Variants in N4BP2 observed in about 807,000 individuals in gnomAD.
The protein encoded by N4BP2 is NEDD4-binding protein 2.
N4BP2 carries 91 observed loss-of-function variants against 152.8 expected under a neutral mutation model. That is an observed-to-expected ratio of 0.60 (90% CI 0.50 to 0.71). The LOEUF (loss-of-function observed/expected upper bound fraction) is 0.71. Ranked by LOEUF, N4BP2 falls within the 30% of genes least tolerant of loss-of-function variation. The probability of loss-of-function intolerance (pLI) is 0.00; values close to 1 mark genes in which losing one functional copy is unlikely to be tolerated. For synonymous variants in N4BP2, 646 were observed against 705.3 expected (o/e 0.92, Z 1.33); for missense variants, 1,923 against 2,059.1 (o/e 0.93, Z 1.28).
At chr4:40,077,816 A>G (rs1300716917) in intron 2 of N4BP2, 1 of 152,160 alleles carries the variant, frequency 6.6e-6, no homozygotes, top group African/African-American at 2.4e-5. Flanking sequence ...CACCGAGGTA[A>G]ATTATTCAAA....
chr4:40,189,533 G>A, the N4BP2 span, among the ~76,000 whole-genome samples: 11 of 152,192 alleles, frequency 7.2e-5, no homozygotes, highest in African/African-American at 2.4e-4. This position sits in a 1 kb window ranked among gnomAD's most constrained non-coding sequence, Gnocchi z 4.3. Context: ...GCAAGGAGGA[G>A]CCAGGACTTG....
At chr4:40,072,174 A>C (rs921444299) in intron 1 of N4BP2, among the ~76,000 whole-genome samples, 3 of 151,594 alleles carry the variant, frequency 2.0e-5, no homozygotes, top group African/African-American at 4.9e-5. Context: ...TTCCGGGTTC[A>C]AGTGATTCTT....
At chr4:40,133,892 A>G (rs1336221893) in intron 13 of N4BP2, among the ~76,000 whole-genome samples, 1 of 151,742 alleles carries the variant, frequency 6.6e-6, no homozygotes, top group East Asian at 1.9e-4. Context: ...TGCAGCCTTG[A>G]CCTCCTAAGC....
intron 11 of N4BP2, 26 bp downstream of exon 11, chr4:40,124,231 T>C: frequency 6.4e-7 from 1 of 1,563,566 alleles, no homozygotes; most frequent in Non-Finnish European, 8.8e-7. Flanking sequence ...TTATTTCTAA[T>C]GTCTTAATGT....
chr4:40,145,250 A>C (rs756009390), intron 16 of N4BP2, among the ~76,000 whole-genome samples: 5 of 151,858 alleles, frequency 3.3e-5, no homozygotes, highest in Non-Finnish European at 5.9e-5. Context: ...CTGAGACATA[A>C]TCTCACTCTG....
chr4:40,170,440 G>A, the N4BP2 span, among the ~76,000 whole-genome samples: 1 of 151,926 alleles, frequency 6.6e-6, no homozygotes, highest in Non-Finnish European at 1.5e-5. Flanking sequence ...GCAACATGAC[G>A]ATACCCTGTC....
chr4:40,059,300 G>A (rs1372700491), intron 1 of N4BP2, among the ~76,000 whole-genome samples: 1 of 152,024 alleles, frequency 6.6e-6, no homozygotes, highest in East Asian at 1.9e-4. Context: ...AAATCATATT[G>A]TAAGTCTTGG....
At chr4:40,153,195 G>C (rs1438695283) in intron 17 of N4BP2, among the ~76,000 whole-genome samples, 5 of 152,098 alleles carry the variant, frequency 3.3e-5, no homozygotes, top group African/African-American at 1.2e-4. Flanking sequence ...ATAATCATCT[G>C]ATAAAACTTT....
the N4BP2 span, among the ~76,000 whole-genome samples, chr4:40,184,982 T>A: frequency 6.6e-6 from 1 of 151,102 alleles, no homozygotes; most frequent in Non-Finnish European, 1.5e-5. Flanking sequence ...AATAAATAAA[T>A]AAAATAAAAA....
At chr4:40,075,972 A>G (rs1712690345) in intron 2 of N4BP2, among the ~76,000 whole-genome samples, 1 of 152,078 alleles carries the variant, frequency 6.6e-6, no homozygotes, top group East Asian at 1.9e-4. Flanking sequence ...GACTACAGGC[A>G]TGTACCACCA....
At chr4:40,136,536 G>A (rs11721966) in intron 13 of N4BP2, among the ~76,000 whole-genome samples, 29,976 of 151,966 alleles carry the variant, frequency 0.2, 3,362 homozygotes, top group Admixed American at 0.27. Context: ...ACAGGCGCGC[G>A]TCACCACACC....
downstream of N4BP2, among the ~76,000 whole-genome samples, chr4:40,161,462 A>G (rs960369470): frequency 6.6e-6 from 1 of 152,206 alleles, no homozygotes; most frequent in African/African-American, 2.4e-5. Context: ...TACCAGTTGC[A>G]ATTTGTGGAC....
At chr4:40,176,075 G>A in the N4BP2 span, among the ~76,000 whole-genome samples, 2 of 142,738 alleles carry the variant, frequency 1.4e-5, no homozygotes, top group Non-Finnish European at 1.5e-5. Context: ...GGGCGACAGA[G>A]CGAGACTCCG....
At chr4:40,065,140 A>G (rs1328238151) in intron 1 of N4BP2, among the ~76,000 whole-genome samples, 9 of 152,176 alleles carry the variant, frequency 5.9e-5, no homozygotes, top group Admixed American at 5.9e-4. Flanking sequence ...TGTGTGGGAA[A>G]CAAATAACTA....
chr4:40,177,846 A>G, the N4BP2 span, among the ~76,000 whole-genome samples: 19 of 152,166 alleles, frequency 1.2e-4, no homozygotes, highest in Non-Finnish European at 2.5e-4. Flanking sequence ...GGGGACAGCA[A>G]CTTTATTTTC....
intron 16 of N4BP2, among the ~76,000 whole-genome samples, chr4:40,148,178 C>T (rs1179562123): frequency 6.6e-6 from 1 of 152,222 alleles, no homozygotes; most frequent in Non-Finnish European, 1.5e-5. Flanking sequence ...ACTGAGTGAA[C>T]GAGACTCCGT....
chr4:40,181,954 A>G, the N4BP2 span, among the ~76,000 whole-genome samples: 1 of 152,196 alleles, frequency 6.6e-6, no homozygotes, highest in African/African-American at 2.4e-5. Context: ...GTCTCCAAAA[A>G]AGAGAAAGGA....
At chr4:40,150,676 G>GAAAAA (rs10675156) in intron 16 of N4BP2, among the ~76,000 whole-genome samples, 2 of 146,392 alleles carry the variant, frequency 1.4e-5, no homozygotes, top group African/African-American at 5.1e-5. Flanking sequence ...GTCTCAGGGG[G>GAAAAA]AAAAAAAAAA....
At chr4:40,133,192 G>C (rs1719051514) in intron 13 of N4BP2, among the ~76,000 whole-genome samples, 1 of 151,748 alleles carries the variant, frequency 6.6e-6, no homozygotes, top group Non-Finnish European at 1.5e-5. Flanking sequence ...TTTCAACTCT[G>C]GTTAGTTTAT....
Sources: gnomAD v4.1 joint callset for allele counts (sites outside exome capture counted in the v4.1 genomes callset) on GRCh38, gnomAD v4.1.1 for gene constraint, Gnocchi (gnomAD v3.1) non-coding constraint, MANE v1.5 for transcripts, NCBI Gene and HGNC (gene_info 2026-07-23, HGNC 2026-07-21) for gene names.